FAM90A26: variants seen among roughly 807,000 people sequenced by gnomAD.
FAM90A26 encodes the protein family with sequence similarity 90 member A26.
exon 1 of FAM90A26, chr4:9,170,424 CA>C (rs1422799695): frequency 7.0e-6 from 1 of 142,446 alleles, no homozygotes; most frequent in African/African-American, 1.4e-4. Context: ...CTTCCAGAAG[CA>C]ACCCAGGAGC....
chr4:9,173,812 C>T lies in FAM90A26; in HGVS notation c.146C>T (p.Ala49Val). The change falls in exon 5 of 7, where the codon GCC (alanine) becomes GTC (valine). Residue 49 changes from alanine to valine, a missense_variant. Physicochemically the swap from Ala to Val is moderately conservative, Grantham distance 64. Transcript: ENST00000512047. The stretch of plus-strand genomic sequence containing the variant: ...CAGCTCAAGTGCAAAAACTGTGGGG[C>T]CTTTGGTCACATGGCCAGAAGTACC... The T allele has an allele frequency of 9.3e-6, 2 of 214,658 alleles. 1 individual carries two copies. Among genetic ancestry groups the T allele is most frequent in the East Asian group, 2.3e-4 (2 of 8,612 alleles). 13.3% of individuals were successfully genotyped at this position (214,658 alleles called of 1,614,324 possible).
rs1241305284 is a variant in FAM90A26 at position 9,171,447 on chromosome 4, T to G, written c.-420-85T>G. ...CGGGGTGCCCCTCCCTGGACTCCAATGCCTGGAGTCGCAAGACGAGCTGAA... is the reference window on the plus strand; with the variant it reads ...CGGGGTGCCCCTCCCTGGACTCCAAGGCCTGGAGTCGCAAGACGAGCTGAA... On this transcript the variant is annotated intron_variant, in intron 1 of 6. Transcript: ENST00000512047. 8.2e-5 allele frequency: 2 copies of G among 24,474 alleles called. 1 individual carries two copies. Among genetic ancestry groups the G allele is most frequent in the Non-Finnish European group, 1.7e-4 (2 of 11,546 alleles). The allele number at this position is 24,474 out of a possible 1,614,324, so 1.5% of individuals were successfully genotyped here.
In FAM90A26 at chr4:9,175,596, C is replaced by A; in HGVS notation, c.824C>A (p.Thr275Lys). ...TCACAGCCCTGCCCACCAGCCGCCACACATAGCTTGGGTCTAGGCTCCAAT... is the reference window on the plus strand; with the variant it reads ...TCACAGCCCTGCCCACCAGCCGCCAAACATAGCTTGGGTCTAGGCTCCAAT... Residue 275 changes from threonine to lysine, a missense_variant, in exon 7 of 7, where the codon ACA becomes AAA. By Grantham distance (78) the Thr-to-Lys change is moderately conservative (BLOSUM62 -1). Transcript: ENST00000512047. 4 of 278,082 alleles carry A rather than the reference C, an allele frequency of 1.4e-5. 2 individuals carry two copies. The highest frequency in any genetic ancestry group is 2.1e-5 in the Non-Finnish European group (4 of 194,710). 17.2% of individuals were successfully genotyped at this position (278,082 alleles called of 1,614,324 possible).
chr4:9,176,411 T>C lies in FAM90A26; in HGVS notation c.*244T>C, dbSNP rs1375554513. 14 of 71,696 alleles carry C rather than the reference T, an allele frequency of 2.0e-4. 6 individuals carry two copies. The highest frequency in any genetic ancestry group is 6.7e-4 in the African/African-American group (3 of 4,494). The allele number at this position is 71,696 out of a possible 1,614,324, so 4.4% of individuals were successfully genotyped here. On this transcript the variant is annotated 3_prime_UTR_variant, in exon 7 of 7. Coordinates refer to ENST00000512047, the Ensembl canonical transcript of FAM90A26. ...CTCCGGAAACGCGCCAGGAAAAGCT[T>C]CCGTGCCAGAGAGATTCGTTGCCTC... is the stretch of plus-strand genomic sequence containing the variant.
rs761247339 is a variant in FAM90A26, at chr4:9,173,765, G to A, written c.124-25G>A. On this transcript the variant is annotated intron_variant, in intron 4 of 6. Coordinates refer to ENST00000512047, the Ensembl canonical transcript of FAM90A26. ...TGCCTGTGGCTTCAGCTCACTCACC[G>A]ACATCACTTCCTTTCCACCCACAGC... The A allele has an allele frequency of 1.3e-5, 2 of 148,810 alleles. 1 individual carries two copies. The highest frequency in any genetic ancestry group is 1.0e-4 in the South Asian group (2 of 19,838). 9.2% of individuals were successfully genotyped at this position (148,810 alleles called of 1,614,324 possible). A position where few individuals can be genotyped will look rare whatever the true frequency, so the allele number is the denominator to read the frequency against.
At chr4:9,176,454 C>G (rs1713511995) in exon 7 of FAM90A26, 1 of 61,720 alleles carries the variant, frequency 1.6e-5, no homozygotes, top group Admixed American at 1.8e-4. Context: ...GCGTGACGCG[C>G]AGGAGTCAGA....
Position 9,171,715 on chromosome 4 carries a change from G to A in FAM90A26, c.-237G>A, listed in dbSNP as rs1248646109. ...TGACACTGAGGCCCACGTCGAGATAGAGTAAATATGGTCCAATTAAAAGGT... is the reference window on the plus strand; with the variant it reads ...TGACACTGAGGCCCACGTCGAGATAAAGTAAATATGGTCCAATTAAAAGGT... On this transcript the variant is annotated 5_prime_UTR_variant, in exon 2 of 7. The change abolishes the stop of an existing upstream ORF in the 5' untranslated region. Transcript: ENST00000512047. 8.5e-5 allele frequency: 2 copies of A among 23,448 alleles called. 1 individual carries two copies. Among genetic ancestry groups the A allele is most frequent in the Admixed American group, 6.5e-4 (2 of 3,056 alleles). The allele number at this position is 23,448 out of a possible 1,614,324, so 1.5% of individuals were successfully genotyped here. A position where few individuals can be genotyped will look rare whatever the true frequency, so the allele number is the denominator to read the frequency against.
rs377382222 is a variant in FAM90A26, at chr4:9,172,738, C to A, written c.-56-379C>A. Among the ~76,000 whole-genome samples, 2 of 24,414 alleles carry A rather than the reference C, an allele frequency of 8.2e-5. 1 individual carries two copies. Among genetic ancestry groups the A allele is most frequent in the African/African-American group, 5.1e-4 (2 of 3,952 alleles). 16.0% of individuals were successfully genotyped at this position (24,414 alleles called of 152,430 possible). On this transcript the variant is annotated intron_variant, in intron 3 of 6. Coordinates refer to ENST00000512047, the Ensembl canonical transcript of FAM90A26. ...CAAACAGACCTGCCAAAGGGTGACA[C>A]ACGCCATGCCCTGTGGCTTCGATCA...
intron 3 of FAM90A26, among the ~76,000 whole-genome samples, chr4:9,172,460 G>C (rs1713452649): frequency 2.3e-5 from 1 of 44,350 alleles, no homozygotes; most frequent in Non-Finnish European, 5.3e-5. Context: ...AGCCGTGTAA[G>C]ACGTCGATAC....
chr4:9,173,375 C>T, intron 4 of FAM90A26, 80 bp downstream of exon 4: 1 of 111,644 alleles, frequency 9.0e-6, no homozygotes, highest in Non-Finnish European at 1.6e-5. Context: ...TCCTCAGAGA[C>T]TGGGTTGGAT....
rs1470255734 is a variant in FAM90A26, at chr4:9,172,924, AC to A, written c.-56-192del. Among the ~76,000 whole-genome samples the A allele has an allele frequency of 8.4e-5, 2 of 23,914 alleles. 1 individual carries two copies. The highest frequency in any genetic ancestry group is 1.7e-4 in the Non-Finnish European group (2 of 11,730). The allele number at this position is 23,914 out of a possible 152,430, so 15.7% of individuals were successfully genotyped here. On this transcript the variant is annotated intron_variant, in intron 3 of 6. Transcript: ENST00000512047. ...TGTGGCAGGTGAGGTTTACTCTTGCACTAGGTAAACATGGCAGAGGAACACA... is the reference window on the plus strand; with the variant it reads ...TGTGGCAGGTGAGGTTTACTCTTGCATAGGTAAACATGGCAGAGGAACACA...
At position 9,173,605 on chromosome 4, in the gene FAM90A26, G is replaced by A. The variant is rs1345698848; in HGVS notation, c.124-185G>A. Among the ~76,000 whole-genome samples, 3 of 24,116 alleles carry A rather than the reference G, an allele frequency of 1.2e-4. 1 individual carries two copies. Among genetic ancestry groups the A allele is most frequent in the Admixed American group, 6.2e-4 (2 of 3,202 alleles). The allele number at this position is 24,116 out of a possible 152,430, so 15.8% of individuals were successfully genotyped here. ...GAGTCCTGCCTTTTAGAGTTCCTCC[G>A]TCACATGGGCTTTGGGAGGGAACAT... On this transcript the variant is annotated intron_variant, in intron 4 of 6. Coordinates refer to ENST00000512047, the Ensembl canonical transcript of FAM90A26.
In FAM90A26 at chr4:9,173,422, T is replaced by A. The variant is rs1713469382; in HGVS notation, c.123+127T>A. On this transcript the variant is annotated intron_variant, in intron 4 of 6. Transcript: ENST00000512047. ...CTGTCACCACCACCCAGGTTGCTTTTCCCATCCAAGGTGGGCGTGGCTTGG... is the reference window on the plus strand; with the variant it reads ...CTGTCACCACCACCCAGGTTGCTTTACCCATCCAAGGTGGGCGTGGCTTGG... The A allele has an allele frequency of 1.9e-5, 2 of 106,506 alleles. 1 individual carries two copies. The highest frequency in any genetic ancestry group is 2.4e-4 in the Admixed American group (2 of 8,216). The allele number at this position is 106,506 out of a possible 1,614,324, so 6.6% of individuals were successfully genotyped here.
chr4:9,170,729 G>A lies in FAM90A26; in HGVS notation c.-421+207G>A, dbSNP rs1303834181. ...ACTCCTGGGAGCCTAGAGGCCAGAG[G>A]AGGGAGGAGAGCAGGACCAGCAGCT... On this transcript the variant is annotated intron_variant, in intron 1 of 6. Coordinates refer to ENST00000512047, the Ensembl canonical transcript of FAM90A26. Among the ~76,000 whole-genome samples the A allele has an allele frequency of 2.5e-4, 6 of 23,786 alleles. 3 individuals carry two copies. Among genetic ancestry groups the A allele is most frequent in the Non-Finnish European group, 5.1e-4 (6 of 11,750 alleles). 15.6% of individuals were successfully genotyped at this position (23,786 alleles called of 152,430 possible). A position where few individuals can be genotyped will look rare whatever the true frequency, so the allele number is the denominator to read the frequency against.
chr4:9,172,282 G>A (rs1233708924), intron 3 of FAM90A26, 113 bp downstream of exon 3: 1 of 27,094 alleles, frequency 3.7e-5, no homozygotes, highest in Non-Finnish European at 7.8e-5. Flanking sequence ...GATGGGGTAG[G>A]GTGTGCTCTC....
Position 9,175,577 on chromosome 4 carries a change from C to A in FAM90A26, c.805C>A (p.Pro269Thr). ...CAAACGTCCTGCGGTGACCTCACAG[C>A]CCTGCCCACCAGCCGCCACACATAG... The change falls in exon 7 of 7, where the codon CCC becomes ACC. Residue 269 changes from proline (P) to threonine (T), a missense_variant. By Grantham distance (38) the Pro-to-Thr change is conservative (BLOSUM62 -1). Transcript: ENST00000512047. 2 of 281,432 alleles carry A rather than the reference C, an allele frequency of 7.1e-6. 1 individual carries two copies. Among genetic ancestry groups the A allele is most frequent in the Non-Finnish European group, 1.0e-5 (2 of 197,530 alleles). The allele number at this position is 281,432 out of a possible 1,614,324, so 17.4% of individuals were successfully genotyped here.
chr4:9,175,759 G>T lies in FAM90A26; in HGVS notation c.987G>T (p.Glu329Asp), dbSNP rs1713501206. ...AGGGAGGTGAGCTGGGGGCCCCGGA[G>T]TATCTCCAACCTCCGCCGGCAACAA... Residue 329 changes from glutamate to aspartate, a missense_variant, in exon 7 of 7, where the codon GAG (glutamate) becomes GAT (aspartate). Physicochemically the swap from Glu to Asp is conservative, Grantham distance 45. Coordinates refer to ENST00000512047, the Ensembl canonical transcript of FAM90A26. The T allele has an allele frequency of 9.3e-6, 2 of 214,446 alleles. 1 individual carries two copies. The highest frequency in any genetic ancestry group is 1.4e-5 in the Non-Finnish European group (2 of 140,122). 13.3% of individuals were successfully genotyped at this position (214,446 alleles called of 1,614,324 possible).
chr4:9,174,126 G>A, intron 5 of FAM90A26, 137 bp downstream of exon 5: 1 of 109,036 alleles, frequency 9.2e-6, no homozygotes, highest in Non-Finnish European at 1.7e-5. Flanking sequence ...CCGGAGCTCC[G>A]TGTCCTCCGG....
chr4:9,172,518 T>G (rs184386647), intron 3 of FAM90A26, among the ~76,000 whole-genome samples: 113 of 38,394 alleles, frequency 2.9e-3, no homozygotes, highest in African/African-American at 9.5e-3. Context: ...GTGTGGCATG[T>G]GTAAAATACC....
Sources: gnomAD v4.1 joint callset for allele counts (sites outside exome capture counted in the v4.1 genomes callset) on GRCh38, gnomAD v4.1.1 for gene constraint, MANE v1.5 for transcripts, NCBI Gene and HGNC (gene_info 2026-07-23, HGNC 2026-07-21) for gene names.